COL26A1: variants seen among roughly 807,000 people sequenced by gnomAD.
COL26A1 encodes the protein collagen alpha-1(XXVI) chain.
Under a neutral mutation model 59.3 loss-of-function variants are expected in COL26A1, and 41 were observed. The ratio of observed to expected loss-of-function variants is 0.69; its 90% confidence interval spans 0.54 to 0.90. COL26A1 has a LOEUF of 0.90. Among genes scored for constraint, COL26A1 ranks in the 40% least tolerant of loss-of-function variants. The pLI, the probability that COL26A1 is intolerant of heterozygous loss-of-function variation, is 0.00. For missense variants in COL26A1, 612 were observed against 602.3 expected (o/e 1.02, Z -0.17); for synonymous variants, 266 against 256.0 (o/e 1.04, Z -0.37).
intron 1 of COL26A1, among the ~76,000 whole-genome samples, chr7:101,395,998 C>G (rs1791846901): frequency 6.6e-6 from 1 of 152,174 alleles, no homozygotes; most frequent in African/African-American, 2.4e-5. Flanking sequence ...TGGCTCACGC[C>G]TGTAATCCCA....
At chr7:101,392,397 C>CT (rs34053990) in intron 1 of COL26A1, among the ~76,000 whole-genome samples, 7,075 of 86,572 alleles carry the variant, frequency 0.082, 691 homozygotes, top group African/African-American at 0.21. Flanking sequence ...AACAACCAGG[C>CT]TTTTTTTTTT....
chr7:101,375,871 A>G (rs1404220086), intron 1 of COL26A1, among the ~76,000 whole-genome samples: 3 of 150,832 alleles, frequency 2.0e-5, no homozygotes, highest in African/African-American at 7.3e-5. Context: ...CTGTAGTCCC[A>G]CCTACTTGGG....
rs565219894 is a variant in COL26A1, at chr7:101,476,692, C to T, written c.385+28905C>T. On this transcript the variant is annotated intron_variant, in intron 3 of 12. Coordinates refer to ENST00000313669, the MANE Select transcript of COL26A1 (RefSeq NM_001278563.3). ...CCTCCCGAGTACCTGGGACTACAGGCGCCCGCCACCACACCCGGCTAATTT... is the reference window on the plus strand; with the variant it reads ...CCTCCCGAGTACCTGGGACTACAGGTGCCCGCCACCACACCCGGCTAATTT... Among the ~76,000 whole-genome samples, 22 of 151,480 alleles carry T rather than the reference C, an allele frequency of 1.5e-4. 1 individual carries two copies. In the South Asian group the frequency reaches 3.5e-3, roughly 24 times the overall value.
chr7:101,547,772 C>A (rs181313952), intron 8 of COL26A1, among the ~76,000 whole-genome samples: 6 of 152,070 alleles, frequency 3.9e-5, no homozygotes, highest in Non-Finnish European at 1.5e-5. Flanking sequence ...TTTATTCATT[C>A]ATTCGTTCAT....
chr7:101,545,422 A>T lies in COL26A1; in HGVS notation c.788A>T (p.Asn263Ile). The change falls in exon 7 of 13, where the codon AAC becomes ATC. Residue 263 changes from asparagine (N) to isoleucine (I), a missense_variant. Asn to Ile is a moderately radical substitution (Grantham distance 149). Transcript: ENST00000313669. ...GPPGPPGPAG[N>I]PGPSPNSPQG... Reference sequence around the variant, plus strand: ...CCAGGACCACCCGGCCCAGCAGGCAACCCAGGCCCCTCACCAAACAGCCCC... The same window carrying T: ...CCAGGACCACCCGGCCCAGCAGGCATCCCAGGCCCCTCACCAAACAGCCCC... The T allele has an allele frequency of 1.2e-6, 2 of 1,607,916 alleles. No individual in the cohort carries two copies. Among genetic ancestry groups the T allele is most frequent in the Non-Finnish European group, 1.7e-6 (2 of 1,177,868 alleles).
intron 3 of COL26A1, among the ~76,000 whole-genome samples, chr7:101,502,860 G>T (rs1396252125): frequency 6.6e-6 from 1 of 152,194 alleles, no homozygotes; most frequent in African/African-American, 2.4e-5. Context: ...TCCCGGGGCT[G>T]CCTGGCTCTG....
chr7:101,401,501 G>A (rs1017037812), intron 1 of COL26A1, among the ~76,000 whole-genome samples: 3 of 150,448 alleles, frequency 2.0e-5, no homozygotes, highest in Non-Finnish European at 4.4e-5. Flanking sequence ...CTAGAAGAAG[G>A]AAGAGGAGGG....
chr7:101,439,749 C>T (rs1793005614), intron 2 of COL26A1, among the ~76,000 whole-genome samples: 1 of 151,994 alleles, frequency 6.6e-6, no homozygotes, highest in Non-Finnish European at 1.5e-5. Flanking sequence ...GGGGAGAATC[C>T]AGGCATCAGA....
chr7:101,414,150 T>C (rs1035480015), intron 1 of COL26A1, among the ~76,000 whole-genome samples: 2 of 152,110 alleles, frequency 1.3e-5, no homozygotes, highest in African/African-American at 2.4e-5. Context: ...CCCTTCTTCG[T>C]TGTTTTTGGC....
chr7:101,456,842 G>T (rs958693852), intron 3 of COL26A1, among the ~76,000 whole-genome samples: 1 of 152,114 alleles, frequency 6.6e-6, no homozygotes, highest in Non-Finnish European at 1.5e-5. Flanking sequence ...ACAATTTGAT[G>T]AGTTTTGATA....
At chr7:101,387,402 CT>C (rs1208177066) in intron 1 of COL26A1, among the ~76,000 whole-genome samples, 2 of 151,472 alleles carry the variant, frequency 1.3e-5, no homozygotes, top group African/African-American at 4.9e-5. Flanking sequence ...TTTTTTCCCC[CT>C]TGATTATATT....
chr7:101,542,707 A>G (rs1157507890), intron 5 of COL26A1, among the ~76,000 whole-genome samples: 1 of 152,110 alleles, frequency 6.6e-6, no homozygotes, highest in Non-Finnish European at 1.5e-5. Context: ...AGAGTAGGGT[A>G]TCCTGCATTC....
intron 1 of COL26A1, among the ~76,000 whole-genome samples, chr7:101,402,989 A>C (rs902468230): frequency 6.6e-6 from 1 of 151,658 alleles, no homozygotes; most frequent in Admixed American, 6.6e-5. Flanking sequence ...GGGATTAGTC[A>C]CGTGCCACTA....
rs114787689 is a variant in COL26A1, at chr7:101,404,439, C to G, written c.159-15538C>G. Among the ~76,000 whole-genome samples the G allele has an allele frequency of 7.3e-3, 1,118 of 152,282 alleles. 14 individuals are homozygous for G. The highest frequency in any genetic ancestry group is 0.026 in the African/African-American group (1,078 of 41,568). ...CCTGGTTGCACCATTTACCCTCCCC[C>G]CCCAAATGGCTTTGGGCAAATCTCA... is the stretch of plus-strand genomic sequence containing the variant. On this transcript the variant is annotated intron_variant, in intron 1 of 12. Transcript: ENST00000313669.
chr7:101,548,768 G>A lies in COL26A1; in HGVS notation c.941-403G>A, dbSNP rs62465111. On this transcript the variant is annotated intron_variant, in intron 8 of 12. Coordinates refer to ENST00000313669, the MANE Select transcript of COL26A1 (RefSeq NM_001278563.3). ...ACTCTTGGGGGCCATAGGAAGGGTCGATGATCAGGAGGCTGTTATAGTAAC... is the reference window on the plus strand; with the variant it reads ...ACTCTTGGGGGCCATAGGAAGGGTCAATGATCAGGAGGCTGTTATAGTAAC... Among the ~76,000 whole-genome samples the A allele has an allele frequency of 9.6e-3, 1,464 of 152,210 alleles. 7 individuals are homozygous for A. The highest frequency in any genetic ancestry group is 0.014 in the Non-Finnish European group (937 of 67,998).
chr7:101,491,152 G>A (rs972735734), intron 3 of COL26A1, among the ~76,000 whole-genome samples: 3 of 151,892 alleles, frequency 2.0e-5, no homozygotes, highest in African/African-American at 7.3e-5. Flanking sequence ...GGGGATGATT[G>A]TGCATGCTCC....
At chr7:101,537,693 C>T (rs78730267) in intron 4 of COL26A1, among the ~76,000 whole-genome samples, 20,662 of 152,100 alleles carry the variant, frequency 0.14, 1,549 homozygotes, top group Middle Eastern at 0.23. Flanking sequence ...CAGGTCACTT[C>T]GGGGGAAGCC....
chr7:101,500,177 G>A (rs1794671719), intron 3 of COL26A1, among the ~76,000 whole-genome samples: 1 of 152,100 alleles, frequency 6.6e-6, no homozygotes, highest in Admixed American at 6.6e-5. Flanking sequence ...CTCTGCTATT[G>A]CAACGTCCCC....
At chr7:101,510,943 C>T (rs932670264) in intron 3 of COL26A1, among the ~76,000 whole-genome samples, 1 of 149,186 alleles carries the variant, frequency 6.7e-6, no homozygotes, top group Admixed American at 6.7e-5. Context: ...CTCTGTCGCC[C>T]AGGCTGGAGT....
Sources: allele counts gnomAD v4.1 joint callset (sites outside exome capture counted in the v4.1 genomes callset), GRCh38; gene constraint gnomAD v4.1.1; transcripts MANE v1.5; gene names NCBI Gene and HGNC (gene_info 2026-07-23, HGNC 2026-07-21).